The following FXR1 variants were observed in gnomAD, a reference collection of about 807,000 sequenced individuals.
FXR1 encodes the protein FMR1 autosomal homolog 1.
FXR1 carries 15 observed loss-of-function variants against 84.0 expected under a neutral mutation model. That is an observed-to-expected ratio of 0.18 (90% CI 0.12 to 0.27). The LOEUF is 0.27. FXR1 is among the 10% of genes least tolerant of loss of function. The probability of loss-of-function intolerance (pLI) is 1.00; values close to 1 mark genes in which losing one functional copy is unlikely to be tolerated. For missense variants in FXR1, 480 were observed against 774.4 expected (o/e 0.62, Z 4.51); for synonymous variants, 245 against 250.7 (o/e 0.98, Z 0.21).
intron 1 of FXR1, among the ~76,000 whole-genome samples, chr3:180,919,288 G>A (rs866975750): frequency 2.9e-5 from 4 of 135,652 alleles, no homozygotes; most frequent in Non-Finnish European, 4.7e-5. Flanking sequence ...TTTTATTTTT[G>A]TTTTTTTTTT....
At chr3:180,927,378 T>G (rs1719350848) in intron 1 of FXR1, among the ~76,000 whole-genome samples, 1 of 152,100 alleles carries the variant, frequency 6.6e-6, no homozygotes, top group Admixed American at 6.5e-5. Flanking sequence ...AATGATATTT[T>G]GTCTGCCCTC....
At position 180,976,399 on chromosome 3, in the gene FXR1, T is replaced by G; in HGVS notation, c.*107T>G. 1 of 693,598 alleles carries G rather than the reference T, an allele frequency of 1.4e-6. No homozygotes were observed. Among genetic ancestry groups the G allele is most frequent in the Non-Finnish European group, 2.4e-6 (1 of 419,138 alleles). 43.0% of individuals were successfully genotyped at this position (693,598 alleles called of 1,614,324 possible). ...GATCGCCAGTCTTTACATCGCACTT[T>G]CAGTTCCTCCATTTGGAATTCAAAA... is the stretch of plus-strand genomic sequence containing the variant. On this transcript the variant is annotated 3_prime_UTR_variant, in exon 17 of 17. Transcript: ENST00000357559.
Position 180,961,699 on chromosome 3 carries a change from A to T in FXR1, c.1077+145A>T, listed in dbSNP as rs573367351. 1.2e-5 allele frequency: 6 copies of T among 491,270 alleles called. No homozygotes were observed. In the South Asian group the frequency reaches 1.3e-4, roughly 10 times the overall value. 30.4% of individuals were successfully genotyped at this position (491,270 alleles called of 1,614,324 possible). ...TCAAATCTTTAAATATTTTTTGTTA[A>T]TTCAGCTTCAGATTTGCCATTGTTC... On this transcript the variant is annotated intron_variant, in intron 11 of 16. Transcript: ENST00000357559.
rs1714641572 is a variant in FXR1 at position 180,982,153 on chromosome 3, A to C, written c.*5861A>C. 1 of 152,038 alleles carries C rather than the reference A, an allele frequency of 6.6e-6. No individual in the cohort carries two copies. The highest frequency in any genetic ancestry group is 2.4e-5 in the African/African-American group (1 of 41,432). 9.4% of individuals were successfully genotyped at this position (152,038 alleles called of 1,614,324 possible). ...TGCCTTGGCTGCTTAACCTTACTAA[A>C]CTTCCATTTCCTCACATGTAAAATG... On this transcript the variant is annotated 3_prime_UTR_variant, in exon 17 of 17. Transcript: ENST00000357559.
At chr3:180,966,189 AG>A (rs1392869263) in intron 13 of FXR1, among the ~76,000 whole-genome samples, 1 of 152,162 alleles carries the variant, frequency 6.6e-6, no homozygotes. Flanking sequence ...AATAAATGTT[AG>A]GGGAAATTAA....
chr3:180,954,358 G>C (rs1341514299), intron 9 of FXR1, among the ~76,000 whole-genome samples: 1 of 152,160 alleles, frequency 6.6e-6, no homozygotes, highest in Non-Finnish European at 1.5e-5. Flanking sequence ...CAGGAGAGAA[G>C]GATGATAATA....
chr3:180,923,783 C>T (rs569614061), intron 1 of FXR1, among the ~76,000 whole-genome samples: 5 of 151,966 alleles, frequency 3.3e-5, no homozygotes, highest in African/African-American at 4.8e-5. Context: ...TGATCTGTCT[C>T]CCTATGTTGC....
At chr3:180,955,940 G>A (rs1433605904) in intron 9 of FXR1, among the ~76,000 whole-genome samples, 1 of 152,182 alleles carries the variant, frequency 6.6e-6, no homozygotes, top group Non-Finnish European at 1.5e-5. Context: ...CACATTAGCA[G>A]TGACTATTAC....
At chr3:180,962,749 T>A (rs902921890) in intron 11 of FXR1, 134 bp from the exon 12 acceptor site, 2 of 648,348 alleles carry the variant, frequency 3.1e-6, no homozygotes, top group Non-Finnish European at 5.5e-6. Context: ...TTCTGTTGAC[T>A]AGGAACACAA....
chr3:180,944,916 C>T (rs565667457), intron 3 of FXR1, among the ~76,000 whole-genome samples: 19 of 152,366 alleles, frequency 1.2e-4, no homozygotes, highest in African/African-American at 3.8e-4. Flanking sequence ...AGCCCCACCA[C>T]GCATGGCCTT....
At chr3:180,960,412 C>T (rs1395333413) in intron 10 of FXR1, among the ~76,000 whole-genome samples, 2 of 152,136 alleles carry the variant, frequency 1.3e-5, no homozygotes, top group Admixed American at 6.5e-5. Flanking sequence ...GCTATACCTA[C>T]TAAGGTGATG....
At chr3:180,948,190 T>A (rs986995941) in intron 4 of FXR1, 157 bp from the exon 5 acceptor site, 5 of 639,564 alleles carry the variant, frequency 7.8e-6, no homozygotes, top group African/African-American at 1.8e-5. Flanking sequence ...ATAATCTAGT[T>A]TAGGCAAATC....
At chr3:180,946,654 A>G (rs1367025032) in intron 3 of FXR1, among the ~76,000 whole-genome samples, 2 of 152,186 alleles carry the variant, frequency 1.3e-5, no homozygotes, top group Non-Finnish European at 2.9e-5. Flanking sequence ...GGTATACGAT[A>G]AAGTTCATTA....
chr3:180,923,529 T>G (rs1260333157), intron 1 of FXR1, among the ~76,000 whole-genome samples: 2 of 152,114 alleles, frequency 1.3e-5, no homozygotes, highest in African/African-American at 4.8e-5. Flanking sequence ...TTCCTTGCCC[T>G]GATAAGGAGC....
In FXR1 at chr3:180,953,777, A is replaced by G; in HGVS notation, c.817A>G (p.Lys273Glu). ...TCATCTACAGAGTGCTGATGCTGTA[A>G]AAAAGGCTAGAGGTTTCTTGGAATT... ...RIYGESADAV[K>E]KARGFLEFVE... The change falls in exon 9 of 17, where the codon AAA (lysine) becomes GAA (glutamate). Residue 273 changes from lysine to glutamate, a missense_variant. By Grantham distance (56) the Lys-to-Glu change is moderately conservative. Coordinates refer to ENST00000357559, the MANE Select transcript of FXR1 (RefSeq NM_005087.4). 5.1e-6 allele frequency: 8 copies of G among 1,579,184 alleles called. No homozygotes were observed. The highest frequency in any genetic ancestry group is 7.0e-6 in the Non-Finnish European group (8 of 1,149,008).
chr3:180,952,419 C>T (rs1330843145), intron 8 of FXR1, among the ~76,000 whole-genome samples: 1 of 152,054 alleles, frequency 6.6e-6, no homozygotes. Context: ...CAGACAGACA[C>T]GGTGGCTCAC....
In FXR1 at chr3:180,940,580, G is replaced by GTTTTTTT. The variant is rs746815811; in HGVS notation, c.198+5353_198+5354insTTTTTTT. On this transcript the variant is annotated intron_variant, in intron 3 of 16. Transcript: ENST00000357559. ...ACGTGTTTAGTTTTTGTTTTTTTCT[G>GTTTTTTT]TTTTCTTTTTTTTTTGGAGATGGAG... 4.0e-4 allele frequency among the ~76,000 whole-genome samples: 58 copies of GTTTTTTT among 146,138 alleles called. No homozygotes were observed. In the East Asian group the frequency reaches 8.2e-3, roughly 21 times the overall value.
chr3:180,930,747 A>C (rs1719789128), intron 1 of FXR1, among the ~76,000 whole-genome samples: 2 of 152,180 alleles, frequency 1.3e-5, no homozygotes, highest in Admixed American at 1.3e-4. Flanking sequence ...TTTGAAAGCG[A>C]ATGTGGTCCA....
At chr3:180,938,394 A>G (rs1010683587) in intron 3 of FXR1, among the ~76,000 whole-genome samples, 10 of 152,220 alleles carry the variant, frequency 6.6e-5, no homozygotes, top group Non-Finnish European at 1.2e-4. Context: ...CTGATGTCTC[A>G]TGAATTCTCA....
Sources: allele counts gnomAD v4.1 joint callset (sites outside exome capture counted in the v4.1 genomes callset), GRCh38; gene constraint gnomAD v4.1.1; transcripts MANE v1.5; gene names NCBI Gene and HGNC (gene_info 2026-07-23, HGNC 2026-07-21).